ROR1: variants seen among roughly 807,000 people sequenced by gnomAD.
The protein encoded by ROR1 is ROR family WNT receptor 1.
In ROR1, 19 loss-of-function variants were observed where a neutral mutation model predicts 78.8. The observed-to-expected ratio is 0.24, with a 90% confidence interval of 0.17 to 0.35. The LOEUF is 0.35. Among genes scored for constraint, ROR1 ranks in the 10% least tolerant of loss-of-function variants. The pLI, the probability that ROR1 is intolerant of heterozygous loss-of-function variation, is 1.00. For synonymous variants in ROR1, 386 were observed against 433.6 expected (o/e 0.89, Z 1.36); for missense variants, 917 against 1,177.8 (o/e 0.78, Z 3.24).
chr1:64,148,507 G>T (rs1373305359), intron 7 of ROR1, among the ~76,000 whole-genome samples: 1 of 152,186 alleles, frequency 6.6e-6, no homozygotes, highest in Non-Finnish European at 1.5e-5. Context: ...GGAGATTTCA[G>T]AATCTCCATG....
At chr1:64,111,979 C>T (rs1200680141) in intron 4 of ROR1, 1 of 152,170 alleles carries the variant, frequency 6.6e-6, no homozygotes, top group Non-Finnish European at 1.5e-5. Flanking sequence ...CAGCAACAGC[C>T]TCACCTTCTT....
rs767798322 is a variant in ROR1, at chr1:64,140,128, C to T, written c.630C>T (p.Gly210=). The change falls in exon 6 of 9, where the codon GGC becomes GGT. Residue 210 remains glycine, a synonymous_variant. Coordinates refer to ENST00000371079, the MANE Select transcript of ROR1 (RefSeq NM_005012.4). ...NQITAAFTMI[G]TSSHLSDKCS... ...TTCCAGCTGCCTTCACTATGATTGG[C>T]ACTTCCAGTCACTTATCTGATAAGT... 5.0e-6 allele frequency: 8 copies of T among 1,612,184 alleles called. No individual in the cohort carries two copies. In the Admixed American group the frequency reaches 1.3e-4, roughly 27 times the overall value.
At chr1:63,940,563 G>A (rs1645830666) in intron 1 of ROR1, among the ~76,000 whole-genome samples, 1 of 151,382 alleles carries the variant, frequency 6.6e-6, no homozygotes. Flanking sequence ...AAAGGAAAGG[G>A]CTCTTCCTTA....
At chr1:64,120,872 G>T (rs1648505450) in intron 4 of ROR1, among the ~76,000 whole-genome samples, 1 of 152,080 alleles carries the variant, frequency 6.6e-6, no homozygotes, top group Non-Finnish European at 1.5e-5. Context: ...GGTAGAAATG[G>T]ATTTCCCTCC....
At chr1:64,036,396 T>C (rs1646702591) in intron 2 of ROR1, among the ~76,000 whole-genome samples, 1 of 152,210 alleles carries the variant, frequency 6.6e-6, no homozygotes, top group East Asian at 1.9e-4. Context: ...CTTCATTCCC[T>C]GGGGTTTCCC....
At chr1:63,779,828 C>T (rs2100218883) in intron 1 of ROR1, among the ~76,000 whole-genome samples, 1 of 152,154 alleles carries the variant, frequency 6.6e-6, no homozygotes, top group South Asian at 2.1e-4. Flanking sequence ...CAGCCACACC[C>T]CCCAGAACAC....
chr1:63,836,001 C>G (rs1645017017), intron 1 of ROR1, among the ~76,000 whole-genome samples: 1 of 152,220 alleles, frequency 6.6e-6, no homozygotes, highest in African/African-American at 2.4e-5. Flanking sequence ...ATTCTATTGT[C>G]TCCCAGCAGA....
chr1:64,143,029 T>A, intron 7 of ROR1: 1 of 1,093,454 alleles, frequency 9.1e-7, no homozygotes, highest in Non-Finnish European at 1.1e-6. Flanking sequence ...GAAGAAATTG[T>A]TTTCTGTATG....
intron 1 of ROR1, among the ~76,000 whole-genome samples, chr1:63,806,608 C>T (rs1644831627): frequency 1.3e-5 from 2 of 152,184 alleles, no homozygotes; most frequent in Non-Finnish European, 2.9e-5. Flanking sequence ...TGAGCCACCG[C>T]GCCTGGCCCA....
intron 4 of ROR1, among the ~76,000 whole-genome samples, chr1:64,089,829 G>A (rs6588080): frequency 0.48 from 73,455 of 151,984 alleles, 19,430 homozygotes; most frequent in African/African-American, 0.7. Flanking sequence ...TGTAGCTCCC[G>A]TAATTCTCAC....
intron 4 of ROR1, among the ~76,000 whole-genome samples, chr1:64,082,002 A>G (rs1569706597): frequency 6.6e-6 from 1 of 152,216 alleles, no homozygotes; most frequent in Non-Finnish European, 1.5e-5. Context: ...AAAGCAGAGC[A>G]TATAACTCTC....
intron 1 of ROR1, among the ~76,000 whole-genome samples, chr1:63,883,784 A>G (rs1026853391): frequency 5.3e-5 from 8 of 152,114 alleles, no homozygotes; most frequent in Non-Finnish European, 1.0e-4. Flanking sequence ...GGTGTTGCTG[A>G]ATAAAGGAGT....
intron 8 of ROR1, among the ~76,000 whole-genome samples, chr1:64,173,494 G>A (rs759787269): frequency 3.3e-5 from 5 of 152,162 alleles, no homozygotes; most frequent in Admixed American, 6.5e-5. Flanking sequence ...AGAGACATTC[G>A]GCTTCAATCT....
intron 4 of ROR1, among the ~76,000 whole-genome samples, chr1:64,086,627 T>C (rs1647157519): frequency 6.6e-6 from 1 of 152,218 alleles, no homozygotes; most frequent in Admixed American, 6.5e-5. Flanking sequence ...GTGTGTTACC[T>C]TTGGCTCCCC....
chr1:64,137,014 TAAAAAAC>T (rs1027031317), intron 4 of ROR1, among the ~76,000 whole-genome samples: 2 of 152,106 alleles, frequency 1.3e-5, no homozygotes, highest in African/African-American at 4.8e-5. Context: ...AATCTGTGCT[TAAAAAAC>T]AAAAAACTGT....
intron 4 of ROR1, chr1:64,111,959 G>A (rs1386266109): frequency 6.6e-6 from 1 of 152,192 alleles, no homozygotes; most frequent in Non-Finnish European, 1.5e-5. Flanking sequence ...CCACAAACTA[G>A]TCAGCTTTGC....
At chr1:64,033,349 C>G (rs1303102529) in intron 2 of ROR1, among the ~76,000 whole-genome samples, 1 of 152,124 alleles carries the variant, frequency 6.6e-6, no homozygotes, top group South Asian at 2.1e-4. Context: ...AAAAGCATAA[C>G]TGATCTTTTA....
chr1:63,897,778 C>T (rs1260121112), intron 1 of ROR1, among the ~76,000 whole-genome samples: 2 of 152,166 alleles, frequency 1.3e-5, no homozygotes, highest in African/African-American at 2.4e-5. Context: ...TACTAGCTGT[C>T]ATAACTGATA....
chr1:64,095,973 C>G (rs1472788954), intron 4 of ROR1, among the ~76,000 whole-genome samples: 4 of 152,126 alleles, frequency 2.6e-5, no homozygotes, highest in African/African-American at 9.7e-5. Flanking sequence ...AAATAAACCT[C>G]TTAATACTAT....
Sources: gnomAD v4.1 joint callset for allele counts (sites outside exome capture counted in the v4.1 genomes callset) on GRCh38, gnomAD v4.1.1 for gene constraint, MANE v1.5 for transcripts, NCBI Gene and HGNC (gene_info 2026-07-23, HGNC 2026-07-21) for gene names.